The following ADAMTSL1 variants were observed in gnomAD, a reference collection of about 807,000 sequenced individuals.
ADAMTSL1 encodes ADAMTS like 1, also known as ADAMTS-like protein 1.
In ADAMTSL1, 126 loss-of-function variants were observed where a neutral mutation model predicts 201.8. The observed-to-expected ratio is 0.62, with a 90% CI of 0.54 to 0.72. ADAMTSL1 has a LOEUF of 0.72. ADAMTSL1 is among the 30% of genes least tolerant of loss of function. The pLI, the probability that ADAMTSL1 is intolerant of heterozygous loss-of-function variation, is 0.00. For missense variants in ADAMTSL1, 2,679 were observed against 2,277.8 expected (o/e 1.18, Z -3.59); for synonymous variants, 1,121 against 903.4 (o/e 1.24, Z -4.32).
At chr9:18,101,562 T>C (rs1305783194) in intron 1 of ADAMTSL1, among the ~76,000 whole-genome samples, 2 of 151,926 alleles carry the variant, frequency 1.3e-5, no homozygotes, top group Non-Finnish European at 2.9e-5. Context: ...GTTTGAAAAC[T>C]TTTTTCCCCT....
At chr9:18,168,491 T>C (rs1358358486) in intron 2 of ADAMTSL1, among the ~76,000 whole-genome samples, 10 of 152,140 alleles carry the variant, frequency 6.6e-5, no homozygotes, top group African/African-American at 2.2e-4. Context: ...TTCCATGGTA[T>C]ATATGTGCCA....
intron 8 of ADAMTSL1, 120 bp downstream of exon 8, chr9:18,657,870 C>G: frequency 2.6e-6 from 2 of 773,106 alleles, no homozygotes; most frequent in Admixed American, 2.2e-5. Context: ...CAGATCCTTT[C>G]TTCTGAACAG....
chr9:18,801,062 G>A (rs1316883730), intron 20 of ADAMTSL1, among the ~76,000 whole-genome samples: 4 of 152,180 alleles, frequency 2.6e-5, no homozygotes, highest in African/African-American at 9.7e-5. Context: ...GAATGTCTGG[G>A]AAAAGGCAGT....
intron 14 of ADAMTSL1, among the ~76,000 whole-genome samples, chr9:18,715,992 T>G (rs901140980): frequency 4.6e-5 from 7 of 151,036 alleles, no homozygotes; most frequent in African/African-American, 1.7e-4. Context: ...GGGGAAAGGA[T>G]TCCCTATTTA....
intron 20 of ADAMTSL1, among the ~76,000 whole-genome samples, chr9:18,811,012 C>CAAAAAAAAAAAAAAA (rs76456235): frequency 1.3e-4 from 5 of 38,788 alleles, no homozygotes; most frequent in East Asian, 9.9e-4. Flanking sequence ...CAATGAGTAC[C>CAAAAAAAAAAAAAAA]AAAAAAAAAA....
intron 1 of ADAMTSL1, among the ~76,000 whole-genome samples, chr9:17,943,630 A>G (rs1489006769): frequency 2.0e-5 from 3 of 152,148 alleles, no homozygotes; most frequent in Non-Finnish European, 4.4e-5. Context: ...TGAAAATGCT[A>G]TGAAAGCTCT....
At chr9:18,100,236 C>T (rs367984943) in intron 1 of ADAMTSL1, among the ~76,000 whole-genome samples, 1 of 151,984 alleles carries the variant, frequency 6.6e-6, no homozygotes, top group African/African-American at 2.4e-5. Flanking sequence ...GGGAGTTGAC[C>T]GTATTATTTT....
chr9:17,969,538 C>G (rs1237650608), intron 1 of ADAMTSL1, among the ~76,000 whole-genome samples: 1 of 152,044 alleles, frequency 6.6e-6, no homozygotes, highest in Non-Finnish European at 1.5e-5. Context: ...TTTTCCTTTA[C>G]ACATCTTACC....
At chr9:18,215,496 A>G (rs1830026136) in intron 2 of ADAMTSL1, among the ~76,000 whole-genome samples, 1 of 152,200 alleles carries the variant, frequency 6.6e-6, no homozygotes, top group African/African-American at 2.4e-5. Flanking sequence ...TGTCAAAAGA[A>G]CTGCTGACAT....
At chr9:18,080,326 A>T (rs1454336729) in intron 1 of ADAMTSL1, among the ~76,000 whole-genome samples, 1 of 152,146 alleles carries the variant, frequency 6.6e-6, no homozygotes, top group African/African-American at 2.4e-5. Flanking sequence ...TTTTTGTAAG[A>T]CTGAGGCAGA....
At position 18,529,279 on chromosome 9, in the gene ADAMTSL1, GA is replaced by G. The variant is rs1819289393; in HGVS notation, c.192-3966del. ...CTAGAAACGGATTTACCAGAATTGA[GA>G]AGTAGTTTATAAACTGATATAATAA... On this transcript the variant is annotated intron_variant, in intron 2 of 28. Transcript: ENST00000380548. Among the ~76,000 whole-genome samples, 3 of 152,256 alleles carry G rather than the reference GA, an allele frequency of 2.0e-5. No individual in the cohort carries two copies. The South Asian group carries it at 6.2e-4, about 32-fold the overall frequency.
At chr9:18,501,663 T>C (rs187940999) in intron 1 of ADAMTSL1, among the ~76,000 whole-genome samples, 1 of 152,324 alleles carries the variant, frequency 6.6e-6, no homozygotes, top group East Asian at 1.9e-4. Context: ...TAAAAAGTCA[T>C]TGCTGGTTAT....
intron 1 of ADAMTSL1, among the ~76,000 whole-genome samples, chr9:18,071,451 T>A (rs1822964373): frequency 6.6e-6 from 1 of 152,220 alleles, no homozygotes; most frequent in Non-Finnish European, 1.5e-5. Context: ...GAACCGGAGT[T>A]CAGAATTCAG....
rs147017930 is a variant in ADAMTSL1, at chr9:18,404,550, A to T, written c.208-100279A>T. ...TCTTGACCTCTTTCCGAATGGCCCA[A>T]TGATGAATTCACCCAGGCTTTCCTT... On this transcript the variant is annotated intron_variant, in intron 2 of 29. Coordinates refer to the ADAMTSL1 transcript ENST00000680146. Among the ~76,000 whole-genome samples, 139 of 152,300 alleles carry T rather than the reference A, an allele frequency of 9.1e-4. 1 individual carries two copies. The highest frequency in any genetic ancestry group is 3.2e-3 in the African/African-American group (131 of 41,582).
intron 1 of ADAMTSL1, among the ~76,000 whole-genome samples, chr9:17,957,673 G>C (rs1039903264): frequency 2.0e-5 from 3 of 152,156 alleles, no homozygotes; most frequent in African/African-American, 7.2e-5. Flanking sequence ...ATTTGGAAAA[G>C]GGGCTTTGCA....
At chr9:18,774,304 G>T (rs1457456985) in intron 17 of ADAMTSL1, among the ~76,000 whole-genome samples, 1 of 151,914 alleles carries the variant, frequency 6.6e-6, no homozygotes, top group Non-Finnish European at 1.5e-5. Context: ...CAAACCTCTT[G>T]TCTGAAAATT....
At chr9:18,495,896 C>A (rs1822511331) in intron 1 of ADAMTSL1, among the ~76,000 whole-genome samples, 1 of 152,064 alleles carries the variant, frequency 6.6e-6, no homozygotes, top group Non-Finnish European at 1.5e-5. Context: ...TTACTCTATG[C>A]CCTATGTACC....
chr9:17,932,198 T>G (rs189088547), intron 1 of ADAMTSL1, among the ~76,000 whole-genome samples: 192 of 152,308 alleles, frequency 1.3e-3, no homozygotes, highest in Admixed American at 3.6e-3. Flanking sequence ...CAGTGCTCCT[T>G]TCTTGCAGCT....
At chr9:17,992,091 G>T (rs553047318) in intron 1 of ADAMTSL1, among the ~76,000 whole-genome samples, 1 of 152,058 alleles carries the variant, frequency 6.6e-6, no homozygotes, top group Non-Finnish European at 1.5e-5. Context: ...TGGGTGTGAC[G>T]CTCCACTTTC....
Sources: allele counts gnomAD v4.1 joint callset (sites outside exome capture counted in the v4.1 genomes callset), GRCh38; gene constraint gnomAD v4.1.1; transcripts MANE v1.5; gene names NCBI Gene and HGNC (gene_info 2026-07-23, HGNC 2026-07-21).